The following SLC8A1 variants were observed in gnomAD, a reference collection of about 807,000 sequenced individuals.
The protein encoded by SLC8A1 is solute carrier family 8 member A1, also known as sodium/calcium exchanger 1.
A neutral mutation model predicts 68.3 loss-of-function variants in SLC8A1; 18 were observed. That is an observed-to-expected ratio of 0.26 (90% CI 0.18 to 0.39). SLC8A1 has a LOEUF of 0.39. SLC8A1 is among the 10% of genes least tolerant of loss of function. The probability of loss-of-function intolerance (pLI) is 1.00; values close to 1 mark genes in which losing one functional copy is unlikely to be tolerated. For synonymous variants in SLC8A1, 475 were observed against 415.5 expected (o/e 1.14, Z -1.74); for missense variants, 985 against 1,156.7 (o/e 0.85, Z 2.15).
intron 2 of SLC8A1, chr2:40,213,225 T>C (rs2056912969): frequency 6.6e-6 from 1 of 152,168 alleles, no homozygotes; most frequent in South Asian, 2.1e-4. Flanking sequence ...ACTGGTAAGA[T>C]CACCGAGTGA....
At chr2:40,437,593 G>C (rs1464669014) in intron 1 of SLC8A1, among the ~76,000 whole-genome samples, 2 of 152,054 alleles carry the variant, frequency 1.3e-5, no homozygotes, top group African/African-American at 4.8e-5. Context: ...GATAATGAAC[G>C]GGAGCCAGGG....
intron 1 of SLC8A1, among the ~76,000 whole-genome samples, chr2:40,476,931 C>T (rs887957393): frequency 1.3e-5 from 2 of 152,092 alleles, no homozygotes; most frequent in Non-Finnish European, 2.9e-5. Flanking sequence ...TTAATGCCTA[C>T]TGCATATTTT....
rs373051760 is a variant in SLC8A1 at position 40,460,092 on chromosome 2, C to T, written c.-24-29788G>A. On this transcript the variant is annotated intron_variant, in intron 1 of 7. Coordinates refer to the SLC8A1 transcript ENST00000402441. ...TTCACGTCTACTTGGAGACTCAGGG[C>T]CTAAAGCAGATTACAACTCATATAC... 4.9e-4 allele frequency among the ~76,000 whole-genome samples: 75 copies of T among 152,096 alleles called. No homozygotes were observed. The South Asian group carries it at 0.015, about 29-fold the overall frequency.
intron 7 of SLC8A1, among the ~76,000 whole-genome samples, chr2:40,120,348 C>T (rs1236081784): frequency 6.6e-6 from 1 of 152,190 alleles, no homozygotes; most frequent in Admixed American, 6.5e-5. Context: ...CGTATTCGTT[C>T]ACTGACAATG....
At chr2:40,443,281 A>T (rs1016531073) in intron 1 of SLC8A1, among the ~76,000 whole-genome samples, 1 of 152,220 alleles carries the variant, frequency 6.6e-6, no homozygotes, top group Admixed American at 6.5e-5. Flanking sequence ...AAAGAAATCC[A>T]TAATTATTAA....
intron 6 of SLC8A1, among the ~76,000 whole-genome samples, chr2:40,160,446 C>T (rs1297370120): frequency 6.6e-6 from 1 of 152,078 alleles, no homozygotes; most frequent in Non-Finnish European, 1.5e-5. Flanking sequence ...CTTTGTGCTG[C>T]TTACAGGGAA....
rs190215185 is a variant in SLC8A1 at position 40,462,769 on chromosome 2, C to T, written c.-24-32465G>A. ...GCTGCAGTGAGCCCAGATTACGCCA[C>T]TGCCCTTAGCCTGGGTGATAGAGTG... On this transcript the variant is annotated intron_variant, in intron 1 of 7. Transcript: ENST00000402441. Among the ~76,000 whole-genome samples, 674 of 152,052 alleles carry T rather than the reference C, an allele frequency of 4.4e-3. 3 individuals carry two copies. The highest frequency in any genetic ancestry group is 6.8e-3 in the Middle Eastern group (2 of 294).
intron 2 of SLC8A1, among the ~76,000 whole-genome samples, chr2:40,416,771 C>A (rs1188517663): frequency 6.6e-6 from 1 of 152,068 alleles, no homozygotes; most frequent in African/African-American, 2.4e-5. Context: ...GCATTCCATT[C>A]TGTCTCCTGG....
At chr2:40,246,129 T>C (rs1428828880) in intron 2 of SLC8A1, among the ~76,000 whole-genome samples, 1 of 152,222 alleles carries the variant, frequency 6.6e-6, no homozygotes, top group African/African-American at 2.4e-5. Flanking sequence ...TACTTAATTT[T>C]TAAACTGTGC....
intron 2 of SLC8A1, among the ~76,000 whole-genome samples, chr2:40,198,094 A>G (rs985767022): frequency 6.6e-6 from 1 of 151,992 alleles, no homozygotes; most frequent in African/African-American, 2.4e-5. Context: ...TTCTAGAAGG[A>G]CTTGCCAACT....
chr2:40,496,953 T>C lies in SLC8A1; in HGVS notation c.-25+15396A>G, dbSNP rs532006233. On this transcript the variant is annotated intron_variant, in intron 1 of 7. Transcript: ENST00000402441. ...GTGGGGGGAGGGGGGAGGGATAGCA[T>C]TGGGAGATATACCTAATGCTAGATG... Among the ~76,000 whole-genome samples the C allele has an allele frequency of 9.0e-5, 13 of 145,242 alleles. No individual in the cohort carries two copies. The South Asian group carries it at 1.4e-3, about 16-fold the overall frequency.
intron 2 of SLC8A1, among the ~76,000 whole-genome samples, chr2:40,359,451 C>T (rs1295505263): frequency 6.6e-6 from 1 of 152,046 alleles, no homozygotes; most frequent in Non-Finnish European, 1.5e-5. Flanking sequence ...GTCCTGAGCG[C>T]AATGAGAAGC....
At chr2:40,286,901 C>A (rs1325659162) in intron 2 of SLC8A1, among the ~76,000 whole-genome samples, 1 of 152,146 alleles carries the variant, frequency 6.6e-6, no homozygotes, top group Non-Finnish European at 1.5e-5. Context: ...CTTGCACGTT[C>A]AAGTGAAAGA....
chr2:40,394,199 C>G (rs1686185266), intron 2 of SLC8A1, among the ~76,000 whole-genome samples: 1 of 152,002 alleles, frequency 6.6e-6, no homozygotes, highest in Non-Finnish European at 1.5e-5. Flanking sequence ...TTGAGAAACC[C>G]TGCACTAACA....
intron 2 of SLC8A1, among the ~76,000 whole-genome samples, chr2:40,301,813 G>A (rs1047729742): frequency 6.6e-6 from 1 of 152,106 alleles, no homozygotes; most frequent in Admixed American, 6.6e-5. Flanking sequence ...GTTCTTTAGT[G>A]GTGATTTGTG....
intron 7 of SLC8A1, among the ~76,000 whole-genome samples, chr2:40,116,635 ACAAGTAGTGGATG>A (rs2035475303): frequency 6.6e-6 from 1 of 150,798 alleles, no homozygotes; most frequent in African/African-American, 2.4e-5. Context: ...CTTAGAGATG[ACAAGTAGTGGATG>A]CAATATCACA....
chr2:40,128,669 A>G (rs2038672953), intron 7 of SLC8A1, among the ~76,000 whole-genome samples: 1 of 152,164 alleles, frequency 6.6e-6, no homozygotes, highest in Admixed American at 6.5e-5. Context: ...ACCCCCAGCA[A>G]TTTGCAGTGT....
intron 1 of SLC8A1, among the ~76,000 whole-genome samples, chr2:40,451,601 TAGC>T (rs1180134285): frequency 1.3e-5 from 2 of 152,026 alleles, no homozygotes; most frequent in Admixed American, 6.5e-5. Context: ...CATCTCTCCT[TAGC>T]AGCCCTTTCT....
chr2:40,196,256 T>G (rs1372684409), intron 2 of SLC8A1, among the ~76,000 whole-genome samples: 1 of 151,582 alleles, frequency 6.6e-6, no homozygotes, highest in Non-Finnish European at 1.5e-5. Context: ...AAAAGAGGAG[T>G]TGAATGAAAT....
Sources: allele counts gnomAD v4.1 joint callset (sites outside exome capture counted in the v4.1 genomes callset), GRCh38; gene constraint gnomAD v4.1.1; transcripts MANE v1.5; gene names NCBI Gene and HGNC (gene_info 2026-07-23, HGNC 2026-07-21).